Variants in CCDC192 observed in about 807,000 individuals in gnomAD.
CCDC192 encodes the protein coiled-coil domain-containing protein 192.
chr5:127,829,277 A>G lies in CCDC192; in HGVS notation c.411+31115A>G, dbSNP rs192131432. ...GTAAGTTGAAAATGCAGATCTGAAA[A>G]AGAAATTGCAAACAGGATTGGAAAC... On this transcript the variant is annotated intron_variant, in intron 5 of 6. Coordinates refer to ENST00000514853, the MANE Select transcript of CCDC192 (RefSeq NM_001317938.2). 2.0e-5 allele frequency among the ~76,000 whole-genome samples: 3 copies of G among 152,358 alleles called. No homozygotes were observed. The East Asian group carries it at 5.8e-4, about 29-fold the overall frequency.
chr5:127,786,142 A>G, intron 3 of CCDC192: 1 of 1,091,870 alleles, frequency 9.2e-7, no homozygotes, highest in Non-Finnish European at 1.4e-6. Flanking sequence ...TTCTGTGTGG[A>G]AAATTTCCAA....
chr5:127,859,627 C>T (rs1001452835), intron 5 of CCDC192, among the ~76,000 whole-genome samples: 2 of 152,052 alleles, frequency 1.3e-5, no homozygotes, highest in Non-Finnish European at 2.9e-5. Flanking sequence ...AAAAATTTGC[C>T]CACCATTTTT....
At chr5:127,871,852 A>G (rs1485754276) in intron 5 of CCDC192, among the ~76,000 whole-genome samples, 1 of 152,226 alleles carries the variant, frequency 6.6e-6, no homozygotes, top group Non-Finnish European at 1.5e-5. Context: ...CGGTAGGAGA[A>G]GTAGGAAAAG....
intron 6 of CCDC192, among the ~76,000 whole-genome samples, chr5:127,920,166 T>C (rs556912520): frequency 2.5e-4 from 38 of 152,364 alleles, no homozygotes; most frequent in African/African-American, 9.1e-4. Flanking sequence ...AATAGTTCTT[T>C]TTCAGTTTTA....
chr5:127,850,300 C>T (rs1332453583), intron 5 of CCDC192, among the ~76,000 whole-genome samples: 1 of 152,150 alleles, frequency 6.6e-6, no homozygotes, highest in Non-Finnish European at 1.5e-5. Flanking sequence ...GAAAGGATCC[C>T]CCCAGAGAAA....
rs534534331 is a variant in CCDC192 at position 127,795,504 on chromosome 5, G to T, written c.223-1599G>T. ...AAGTAGTATTCTTTTCATCCCCATC[G>T]CTATTTACAGATTAAAAAACTCAAG... On this transcript the variant is annotated intron_variant, in intron 3 of 6. Coordinates refer to ENST00000514853, the MANE Select transcript of CCDC192 (RefSeq NM_001317938.2). 1.7e-4 allele frequency among the ~76,000 whole-genome samples: 26 copies of T among 152,004 alleles called. No homozygotes were observed. The South Asian group carries it at 5.0e-3, about 29-fold the overall frequency.
chr5:127,875,556 A>T lies in CCDC192; in HGVS notation c.430A>T (p.Lys144Ter). The T allele has an allele frequency of 5.0e-6, 2 of 398,858 alleles. No individual in the cohort carries two copies. The highest frequency in any genetic ancestry group is 8.8e-5 in the Admixed American group (2 of 22,712). 24.7% of individuals were successfully genotyped at this position (398,858 alleles called of 1,614,324 possible). A position where few individuals can be genotyped will look rare whatever the true frequency, so the allele number is the denominator to read the frequency against. ...TTTTAAGAAACTAAAGCATGAAAAG[A>T]AAGTGAAAAAACTACAGACTGATTT... ...LIAQKLKHEK[K>*]VKKLQTDLAT... The change falls in exon 6 of 7, where the codon AAA (lysine) becomes TAA (stop). Residue 144 changes from lysine to a stop codon, truncating the protein, a stop_gained. Transcript: ENST00000514853. LOFTEE classifies it high-confidence loss of function.
intron 3 of CCDC192, among the ~76,000 whole-genome samples, chr5:127,783,473 G>A (rs1756360067): frequency 6.6e-6 from 1 of 152,134 alleles, no homozygotes; most frequent in African/African-American, 2.4e-5. Context: ...ATTCCACTGT[G>A]GTCTGAGAGA....
intron 1 of CCDC192, among the ~76,000 whole-genome samples, chr5:127,705,966 C>A (rs1750932959): frequency 6.6e-6 from 1 of 152,176 alleles, no homozygotes; most frequent in South Asian, 2.1e-4. Flanking sequence ...GTAGAAAGTA[C>A]CAAAATACTG....
chr5:127,786,238 T>A (rs1034725131), intron 3 of CCDC192: 2 of 714,286 alleles, frequency 2.8e-6, no homozygotes, highest in African/African-American at 3.5e-5. Context: ...TCTTCATTGT[T>A]CCTGAAGCAC....
chr5:127,904,961 C>T (rs908174812), intron 6 of CCDC192, among the ~76,000 whole-genome samples: 22 of 152,012 alleles, frequency 1.4e-4, no homozygotes, highest in Admixed American at 1.3e-4. Flanking sequence ...AGCCTCTGTG[C>T]AACCGTTTGG....
intron 3 of CCDC192, among the ~76,000 whole-genome samples, chr5:127,790,520 ATT>A (rs1337228245): frequency 2.0e-5 from 3 of 152,196 alleles, no homozygotes; most frequent in African/African-American, 7.2e-5. Context: ...GTTAACCATA[ATT>A]TTCTTACTGT....
intron 6 of CCDC192, among the ~76,000 whole-genome samples, chr5:127,891,019 C>T (rs1315785694): frequency 1.3e-5 from 2 of 152,186 alleles, no homozygotes; most frequent in Non-Finnish European, 1.5e-5. Context: ...CTTCTCTCTT[C>T]ATCCCCTCTA....
intron 6 of CCDC192, among the ~76,000 whole-genome samples, chr5:127,940,141 T>G (rs1449184629): frequency 2.0e-5 from 3 of 152,186 alleles, no homozygotes; most frequent in African/African-American, 7.2e-5. Flanking sequence ...CTTTTATCTC[T>G]TTGTGGAACC....
intron 3 of CCDC192, among the ~76,000 whole-genome samples, chr5:127,776,248 A>G (rs1755850424): frequency 6.6e-6 from 1 of 150,656 alleles, no homozygotes; most frequent in Non-Finnish European, 1.5e-5. Context: ...TGGAGATGAG[A>G]AACTTGCTGG....
chr5:127,853,589 G>A (rs934234840), intron 5 of CCDC192, among the ~76,000 whole-genome samples: 2 of 152,030 alleles, frequency 1.3e-5, no homozygotes, highest in African/African-American at 2.4e-5. Flanking sequence ...CCTGGCCAAC[G>A]TGGTGAAACA....
At chr5:127,914,902 A>G (rs887814399) in intron 6 of CCDC192, among the ~76,000 whole-genome samples, 5 of 152,222 alleles carry the variant, frequency 3.3e-5, no homozygotes, top group Admixed American at 3.3e-4. Flanking sequence ...GGAAGGGCCC[A>G]AGTTTGAACA....
intron 6 of CCDC192, among the ~76,000 whole-genome samples, chr5:127,919,740 G>A (rs1319811361): frequency 6.6e-6 from 1 of 152,210 alleles, no homozygotes; most frequent in Non-Finnish European, 1.5e-5. Context: ...ATCACTGGAT[G>A]ACTGCTCCTT....
At chr5:127,739,875 A>T (rs1350168081) in intron 2 of CCDC192, 1 of 153,548 alleles carries the variant, frequency 6.5e-6, no homozygotes, top group Non-Finnish European at 1.4e-5. Flanking sequence ...ATGGAAATGC[A>T]GAAATCACCC....
Sources: allele counts gnomAD v4.1 joint callset (sites outside exome capture counted in the v4.1 genomes callset), GRCh38; gene constraint gnomAD v4.1.1; transcripts MANE v1.5; gene names NCBI Gene and HGNC (gene_info 2026-07-23, HGNC 2026-07-21).